SLC6A11: variants seen among roughly 807,000 people sequenced by gnomAD.
The protein encoded by SLC6A11 is sodium- and chloride-dependent GABA transporter 3.
Under a neutral mutation model 74.8 loss-of-function variants are expected in SLC6A11, and 25 were observed. That is an observed-to-expected ratio of 0.33 (90% CI 0.24 to 0.47). The LOEUF is 0.47. Ranked by LOEUF, SLC6A11 falls within the 20% of genes least tolerant of loss-of-function variation. The probability of loss-of-function intolerance (pLI) is 1.00; values close to 1 mark genes in which losing one functional copy is unlikely to be tolerated. For synonymous variants in SLC6A11, 330 were observed against 330.2 expected (o/e 1.00, Z 0.01); for missense variants, 574 against 837.0 (o/e 0.69, Z 3.88).
intron 6 of SLC6A11, among the ~76,000 whole-genome samples, chr3:10,883,632 G>A (rs1385903888): frequency 2.0e-5 from 3 of 152,070 alleles, no homozygotes; most frequent in Non-Finnish European, 4.4e-5. Flanking sequence ...AGATGAATCA[G>A]GGAAAACAAG....
chr3:10,832,626 T>TC (rs1360517755), intron 4 of SLC6A11, among the ~76,000 whole-genome samples: 4 of 152,210 alleles, frequency 2.6e-5, no homozygotes, highest in African/African-American at 9.6e-5. Flanking sequence ...AGCCCTGCTC[T>TC]CTAAGAGAGA....
At chr3:10,898,431 C>T (rs1695197202) in intron 6 of SLC6A11, among the ~76,000 whole-genome samples, 1 of 152,236 alleles carries the variant, frequency 6.6e-6, no homozygotes, top group Non-Finnish European at 1.5e-5. Flanking sequence ...GCACCCAAGT[C>T]ACCTCTTGAA....
chr3:10,856,048 G>C (rs1214232664), intron 5 of SLC6A11, among the ~76,000 whole-genome samples: 2 of 152,188 alleles, frequency 1.3e-5, no homozygotes, highest in East Asian at 1.9e-4. Flanking sequence ...TGTGATGCCT[G>C]TCATGTGCTA....
intron 6 of SLC6A11, among the ~76,000 whole-genome samples, chr3:10,893,430 T>C (rs529176812): frequency 6.6e-6 from 1 of 151,826 alleles, no homozygotes; most frequent in African/African-American, 2.4e-5. Flanking sequence ...ATATCAGGAG[T>C]TCAGAGGTGT....
At chr3:10,845,736 G>A (rs1694494729) in intron 5 of SLC6A11, among the ~76,000 whole-genome samples, 1 of 152,216 alleles carries the variant, frequency 6.6e-6, no homozygotes, top group African/African-American at 2.4e-5. Flanking sequence ...ACCACAGAAA[G>A]TAGAGCAGAG....
chr3:10,860,526 T>A (rs1559562748), intron 5 of SLC6A11, among the ~76,000 whole-genome samples: 1 of 152,302 alleles, frequency 6.6e-6, no homozygotes, highest in East Asian at 1.9e-4. Flanking sequence ...AAGAGGAAGC[T>A]GAAGGGTTCC....
chr3:10,825,661 G>GT, intron 4 of SLC6A11, among the ~76,000 whole-genome samples: 1 of 152,168 alleles, frequency 6.6e-6, no homozygotes, highest in East Asian at 1.9e-4. Flanking sequence ...TCTTCTAAGA[G>GT]TTTTACAGTT....
In SLC6A11 at chr3:10,874,850, C is replaced by T. The variant is rs2106604940; in HGVS notation, c.757-111C>T. On this transcript the variant is annotated intron_variant, in intron 5 of 13. Transcript: ENST00000254488. ...TACACGCGGGGGAATGCTGGTCAGC[C>T]TTGGGAGAGAGGGTCCTGGTGCAAC... 4.5e-6 allele frequency: 5 copies of T among 1,115,720 alleles called. No homozygotes were observed. The African/African-American group carries it at 6.2e-5, about 14-fold the overall frequency. 69.1% of individuals were successfully genotyped at this position (1,115,720 alleles called of 1,614,324 possible).
chr3:10,877,047 C>G (rs1694917357), intron 6 of SLC6A11, among the ~76,000 whole-genome samples: 1 of 152,124 alleles, frequency 6.6e-6, no homozygotes, highest in South Asian at 2.1e-4. Flanking sequence ...TTGGAGAGCC[C>G]CCACTTTTCC....
intron 4 of SLC6A11, among the ~76,000 whole-genome samples, chr3:10,832,936 G>C (rs541891762): frequency 2.0e-4 from 30 of 152,286 alleles, no homozygotes; most frequent in African/African-American, 6.3e-4. Context: ...AAGTAGGAAG[G>C]GGCATGCCAA....
At chr3:10,936,961 G>A (rs993511409) in intron 13 of SLC6A11, among the ~76,000 whole-genome samples, 4 of 152,290 alleles carry the variant, frequency 2.6e-5, no homozygotes, top group Admixed American at 2.6e-4. Context: ...CTTTGGAGGT[G>A]TCAGACCCAG....
At chr3:10,912,029 G>A (rs1695394424) in intron 6 of SLC6A11, 61 bp from the exon 7 acceptor site, 1 of 1,122,512 alleles carries the variant, frequency 8.9e-7, no homozygotes, top group South Asian at 1.2e-5. Context: ...AGAGACCAGG[G>A]CTACCCTCTC....
intron 5 of SLC6A11, among the ~76,000 whole-genome samples, chr3:10,844,930 TC>T (rs1694484892): frequency 6.6e-6 from 1 of 152,192 alleles, no homozygotes; most frequent in Non-Finnish European, 1.5e-5. Flanking sequence ...ACATGGCTCT[TC>T]CACTCACAGG....
At chr3:10,835,391 C>T (rs560569823) in intron 4 of SLC6A11, among the ~76,000 whole-genome samples, 6 of 152,316 alleles carry the variant, frequency 3.9e-5, no homozygotes, top group African/African-American at 1.2e-4. Flanking sequence ...CGTTATGAAC[C>T]CGTGATGGAT....
intron 4 of SLC6A11, among the ~76,000 whole-genome samples, chr3:10,841,049 TCTA>T (rs1322937843): frequency 6.6e-6 from 1 of 152,172 alleles, no homozygotes; most frequent in Non-Finnish European, 1.5e-5. Flanking sequence ...CCAGAAATAC[TCTA>T]CTATGGCCTG....
chr3:10,821,225 G>A (rs1464618565), intron 3 of SLC6A11, among the ~76,000 whole-genome samples: 1 of 152,158 alleles, frequency 6.6e-6, no homozygotes, highest in Non-Finnish European at 1.5e-5. Context: ...CTTATTTTGA[G>A]GATACTCTAA....
chr3:10,911,355 C>T lies in SLC6A11; in HGVS notation c.892-735C>T, dbSNP rs953567790. Among the ~76,000 whole-genome samples the T allele has an allele frequency of 1.2e-4, 19 of 152,300 alleles. No homozygotes were observed. The South Asian group carries it at 1.9e-3, about 15-fold the overall frequency. ...TCAAAGGGAGCCCGGGGAAAGTGTT[C>T]GAGAAGCCACTGTCATTTCTGTTGT... On this transcript the variant is annotated intron_variant, in intron 6 of 13. Transcript: ENST00000254488.
At chr3:10,867,289 G>A (rs949716589) in intron 5 of SLC6A11, among the ~76,000 whole-genome samples, 1 of 152,234 alleles carries the variant, frequency 6.6e-6, no homozygotes, top group Non-Finnish European at 1.5e-5. Context: ...GTGGCAGAGT[G>A]CAGCATGTGT....
At chr3:10,822,465 G>A (rs1694151309) in intron 3 of SLC6A11, among the ~76,000 whole-genome samples, 1 of 152,222 alleles carries the variant, frequency 6.6e-6, no homozygotes, top group Non-Finnish European at 1.5e-5. Context: ...TATAGAGGAG[G>A]AAGAGGGTAT....
Sources: allele counts gnomAD v4.1 joint callset (sites outside exome capture counted in the v4.1 genomes callset), GRCh38; gene constraint gnomAD v4.1.1; transcripts MANE v1.5; gene names NCBI Gene and HGNC (gene_info 2026-07-23, HGNC 2026-07-21).